The following PAK5 variants were observed in gnomAD, a reference collection of about 807,000 sequenced individuals.
PAK5 encodes p21 (RAC1) activated kinase 5, also known as serine/threonine-protein kinase PAK 5.
In PAK5, 16 loss-of-function variants were observed where a neutral mutation model predicts 65.9. The ratio of observed to expected loss-of-function variants is 0.24; its 90% CI spans 0.16 to 0.37. The LOEUF (loss-of-function observed/expected upper bound fraction) is 0.37. PAK5 is among the 10% of genes least tolerant of loss of function. PAK5 has a pLI of 1.00. For synonymous variants in PAK5, 371 were observed against 354.9 expected, an observed-to-expected ratio of 1.05 and a Z score of -0.51; for missense variants, 785 against 903.9, an observed-to-expected ratio of 0.87 and a Z score of 1.69.
At chr20:9,658,870 A>G (rs76178008) in intron 2 of PAK5, among the ~76,000 whole-genome samples, 7,063 of 152,248 alleles carry the variant, frequency 0.046, 524 homozygotes, top group African/African-American at 0.16. Flanking sequence ...CAGATACACT[A>G]AGAATAAACC....
At chr20:9,592,136 G>T (rs1048777204) in intron 3 of PAK5, among the ~76,000 whole-genome samples, 2 of 152,112 alleles carry the variant, frequency 1.3e-5, no homozygotes, top group Non-Finnish European at 1.5e-5. Flanking sequence ...AAATATTAAG[G>T]TCATCACGGA....
intron 1 of PAK5, among the ~76,000 whole-genome samples, chr20:9,721,310 C>T (rs1178204883): frequency 6.6e-6 from 1 of 151,958 alleles, no homozygotes; most frequent in Non-Finnish European, 1.5e-5. Flanking sequence ...CCAGATATTC[C>T]TAGCATGCTG....
intron 3 of PAK5, among the ~76,000 whole-genome samples, chr20:9,602,133 A>G (rs1322919543): frequency 6.6e-6 from 1 of 151,810 alleles, no homozygotes; most frequent in South Asian, 2.1e-4. Context: ...TTTACTAAAA[A>G]TACAAAAATT....
chr20:9,616,526 A>G (rs1287598069), intron 3 of PAK5, among the ~76,000 whole-genome samples: 1 of 152,212 alleles, frequency 6.6e-6, no homozygotes, highest in Non-Finnish European at 1.5e-5. Flanking sequence ...TAACACATAT[A>G]TACATCCCCC....
At chr20:9,739,545 A>T (rs1379543490) in intron 1 of PAK5, among the ~76,000 whole-genome samples, 3 of 152,118 alleles carry the variant, frequency 2.0e-5, no homozygotes, top group African/African-American at 7.2e-5. Flanking sequence ...GGACAGTGCC[A>T]TTTTTAATTT....
chr20:9,610,123 T>C (rs113999813), intron 3 of PAK5, among the ~76,000 whole-genome samples: 318 of 152,226 alleles, frequency 2.1e-3, no homozygotes, highest in African/African-American at 7.4e-3. Flanking sequence ...AAAGTCATCT[T>C]CCTGAAAGTA....
intron 2 of PAK5, among the ~76,000 whole-genome samples, chr20:9,655,711 G>C (rs569344625): frequency 6.6e-6 from 1 of 152,108 alleles, no homozygotes; most frequent in East Asian, 1.9e-4. Flanking sequence ...TGGAGGGAAG[G>C]CATATGTATT....
At chr20:9,684,436 C>T (rs940126664) in intron 2 of PAK5, among the ~76,000 whole-genome samples, 2 of 152,164 alleles carry the variant, frequency 1.3e-5, no homozygotes, top group Non-Finnish European at 2.9e-5. Context: ...ATATGAAAGT[C>T]AAGCCATGAA....
At chr20:9,702,172 T>A (rs1318303369) in intron 2 of PAK5, among the ~76,000 whole-genome samples, 1 of 152,086 alleles carries the variant, frequency 6.6e-6, no homozygotes, top group African/African-American at 2.4e-5. Flanking sequence ...AGGAATATGA[T>A]GATAACAACA....
intron 1 of PAK5, among the ~76,000 whole-genome samples, chr20:9,811,762 C>T (rs957842139): frequency 7.2e-5 from 11 of 152,126 alleles, no homozygotes; most frequent in African/African-American, 1.9e-4. Context: ...GTGCTCACCC[C>T]GCCACTGAAA....
chr20:9,784,979 AG>A (rs2048977933), intron 1 of PAK5, among the ~76,000 whole-genome samples: 1 of 152,050 alleles, frequency 6.6e-6, no homozygotes, highest in African/African-American at 2.4e-5. Context: ...ATTTTAATAT[AG>A]TACCTCCTTT....
chr20:9,625,617 G>A (rs913466632), intron 3 of PAK5, among the ~76,000 whole-genome samples: 4 of 151,978 alleles, frequency 2.6e-5, no homozygotes, highest in Admixed American at 6.5e-5. Context: ...TCTCAGGCTA[G>A]AGTACAGTGG....
At chr20:9,748,531 C>A (rs2048535642) in intron 1 of PAK5, among the ~76,000 whole-genome samples, 1 of 152,146 alleles carries the variant, frequency 6.6e-6, no homozygotes, top group African/African-American at 2.4e-5. Context: ...AGAAATAACA[C>A]CACATATCTA....
chr20:9,698,735 G>C (rs1461650247), intron 2 of PAK5, among the ~76,000 whole-genome samples: 1 of 152,134 alleles, frequency 6.6e-6, no homozygotes. Context: ...CTGCACTGCT[G>C]TCTATAAGTG....
chr20:9,725,114 G>A (rs1369816123), intron 1 of PAK5, among the ~76,000 whole-genome samples: 1 of 151,940 alleles, frequency 6.6e-6, no homozygotes, highest in Non-Finnish European at 1.5e-5. Flanking sequence ...GGATGAGAGG[G>A]CATATTGCAT....
intron 1 of PAK5, among the ~76,000 whole-genome samples, chr20:9,834,975 A>G (rs1260972103): frequency 6.6e-6 from 1 of 152,202 alleles, no homozygotes; most frequent in Non-Finnish European, 1.5e-5. Flanking sequence ...CCAAAAAAAT[A>G]TTTTGACTCA....
At chr20:9,551,837 G>C (rs1433326669) in intron 7 of PAK5, among the ~76,000 whole-genome samples, 1 of 152,192 alleles carries the variant, frequency 6.6e-6, no homozygotes. Flanking sequence ...TCTGTTTCTT[G>C]TCAAGCTTTC....
intron 2 of PAK5, among the ~76,000 whole-genome samples, chr20:9,685,535 A>C (rs1031227936): frequency 6.6e-6 from 1 of 152,202 alleles, no homozygotes; most frequent in Non-Finnish European, 1.5e-5. Context: ...TATGTGGAAC[A>C]GATTTTTTCC....
chr20:9,568,575 G>A (rs1603216985), intron 4 of PAK5, among the ~76,000 whole-genome samples: 1 of 152,150 alleles, frequency 6.6e-6, no homozygotes, highest in African/African-American at 2.4e-5. Flanking sequence ...CAATCTGTGT[G>A]ATCAAAGAAA....
Sources: gnomAD v4.1 joint callset for allele counts (sites outside exome capture counted in the v4.1 genomes callset) on GRCh38, gnomAD v4.1.1 for gene constraint, MANE v1.5 for transcripts, NCBI Gene and HGNC (gene_info 2026-07-23, HGNC 2026-07-21) for gene names.